The following DNASE1L2 variants were observed in gnomAD, a reference collection of about 807,000 sequenced individuals.
DNASE1L2 encodes deoxyribonuclease-1-like 2.
In DNASE1L2, 35 loss-of-function variants were observed where a neutral mutation model predicts 31.8. That is an observed-to-expected ratio of 1.10 (90% CI 0.84 to 1.46). DNASE1L2 has a LOEUF of 1.46. DNASE1L2 is among the 40% of genes most tolerant of loss of function. DNASE1L2 has a pLI of 0.00. For missense variants in DNASE1L2, 504 were observed against 418.8 expected (o/e 1.20, Z -1.77); for synonymous variants, 211 against 186.5 (o/e 1.13, Z -1.07).
In DNASE1L2 at chr16:2,237,761, C is replaced by A. The variant is rs1278074355; in HGVS notation, c.592-6C>A. On this transcript the variant is annotated splice_polypyrimidine_tract_variant and splice_region_variant and intron_variant, in intron 5 of 6. Transcript: ENST00000320700. ...CGGCTCAGACACGGCTCCGCGGCGC[C>A]CGCAGGACATGCTGTTCCTGGGCGA... 1 of 1,602,416 alleles carries A rather than the reference C, an allele frequency of 6.2e-7. No individual in the cohort carries two copies. The highest frequency in any genetic ancestry group is 8.5e-7 in the Non-Finnish European group (1 of 1,175,026).
rs764536040 is a variant in DNASE1L2, at chr16:2,237,318, A to G, written c.317+17A>G. ...CGTGTACAGGTGAGGGGCGGGCCGCAGGGAGGGGCGCGCGGGGCCGCAGGT... is the reference window on the plus strand; with the variant it reads ...CGTGTACAGGTGAGGGGCGGGCCGCGGGGAGGGGCGCGCGGGGCCGCAGGT... On this transcript the variant is annotated intron_variant, in intron 4 of 6. Coordinates refer to ENST00000320700, the MANE Select transcript of DNASE1L2 (RefSeq NM_001374.3). 6 of 1,590,458 alleles carry G rather than the reference A, an allele frequency of 3.8e-6. No individual in the cohort carries two copies. Among genetic ancestry groups the G allele is most frequent in the Non-Finnish European group, 5.1e-6 (6 of 1,169,660 alleles).
Position 2,237,113 on chromosome 16 carries a change from GAGC to G in DNASE1L2, c.223_225del (p.Gln75del). ...CCTCAGCGCCGTGTCCGCGCTCATGGAGCAGATCAACAGGTGTGGTGGGCAGGG... is the reference window on the plus strand; with the variant it reads ...CCTCAGCGCCGTGTCCGCGCTCATGGAGATCAACAGGTGTGGTGGGCAGGG... On this transcript the variant is annotated inframe_deletion, in exon 3 of 7. Transcript: ENST00000320700. The G allele has an allele frequency of 1.3e-6, 2 of 1,550,092 alleles. No individual in the cohort carries two copies. Among genetic ancestry groups the G allele is most frequent in the Non-Finnish European group, 1.7e-6 (2 of 1,147,426 alleles).
chr16:2,237,654 G>A lies in DNASE1L2; in HGVS notation c.591+5G>A, dbSNP rs1210911528. On this transcript the variant is annotated splice_donor_5th_base_variant and intron_variant, in intron 5 of 6. Coordinates refer to ENST00000320700, the MANE Select transcript of DNASE1L2 (RefSeq NM_001374.3). Reference sequence around the variant, plus strand: ...ATCGACAAGTGGGGCACCGACGTAAGCCCACCCCTCGGTCCCGGGGTCCCT... The same window carrying A: ...ATCGACAAGTGGGGCACCGACGTAAACCCACCCCTCGGTCCCGGGGTCCCT... The A allele has an allele frequency of 1.9e-6, 3 of 1,595,656 alleles. No individual in the cohort carries two copies. Among genetic ancestry groups the A allele is most frequent in the East Asian group, 2.2e-5 (1 of 44,498 alleles).
chr16:2,236,503 C>T lies in DNASE1L2; in HGVS notation c.-97C>T. 1 of 1,175,668 alleles carries T rather than the reference C, an allele frequency of 8.5e-7. No individual in the cohort carries two copies. Among genetic ancestry groups the T allele is most frequent in the Non-Finnish European group, 1.1e-6 (1 of 951,760 alleles). 72.8% of individuals were successfully genotyped at this position (1,175,668 alleles called of 1,614,324 possible). A position where few individuals can be genotyped will look rare whatever the true frequency, so the allele number is the denominator to read the frequency against. On this transcript the variant is annotated 5_prime_UTR_variant, in exon 1 of 7. Transcript: ENST00000320700. ...TGTCGGACACGCCCGCAGCCTGGAC[C>T]CGGGATCCCCATCCCCCTAGGATCT...
rs1567309577 is a variant in DNASE1L2, at chr16:2,237,650, G to GT, written c.591+2dup. 6.3e-7 allele frequency: 1 copy of GT among 1,597,148 alleles called. No individual in the cohort carries two copies. The highest frequency in any genetic ancestry group is 2.2e-5 in the East Asian group (1 of 44,530). On this transcript the variant is annotated splice_donor_variant, in intron 5 of 6. Coordinates refer to ENST00000320700, the MANE Select transcript of DNASE1L2 (RefSeq NM_001374.3). LOFTEE classifies it high-confidence loss of function. ...CGTGATCGACAAGTGGGGCACCGACGTAAGCCCACCCCTCGGTCCCGGGGT... is the reference window on the plus strand; with the variant it reads ...CGTGATCGACAAGTGGGGCACCGACGTTAAGCCCACCCCTCGGTCCCGGGGT...
chr16:2,237,577 G>T lies in DNASE1L2; in HGVS notation c.519G>T (p.Pro173=). The T allele has an allele frequency of 2.0e-6, 3 of 1,524,078 alleles. No individual in the cohort carries two copies. Among genetic ancestry groups the T allele is most frequent in the Non-Finnish European group, 2.7e-6 (3 of 1,125,838 alleles). The allele number at this position is 1,524,078 out of a possible 1,614,324, so 94.4% of individuals were successfully genotyped here. Reference sequence around the variant, plus strand: ...TGCTGATCCCGCTGCACGCGGCGCCGCATCAAGCCGTGGCGGAGATCGACG... The same window carrying T: ...TGCTGATCCCGCTGCACGCGGCGCCTCATCAAGCCGTGGCGGAGATCGACG... ...NLVLIPLHAA[P]HQAVAEIDAL... The change falls in exon 5 of 7, where the codon CCG becomes CCT. Residue 173 remains proline, a synonymous_variant. Transcript: ENST00000320700.
chr16:2,238,034 G>T lies in DNASE1L2; in HGVS notation c.843+16G>T. 1 of 1,581,772 alleles carries T rather than the reference G, an allele frequency of 6.3e-7. No individual in the cohort carries two copies. ...CCAGACTCAGGCGAGTGGGCCGTGG[G>T]GCGGTGCTGGTCTTGGGTCCCCACC... On this transcript the variant is annotated intron_variant, in intron 6 of 6. Coordinates refer to ENST00000320700, the MANE Select transcript of DNASE1L2 (RefSeq NM_001374.3).
chr16:2,237,038 A>AGGAGGC lies in DNASE1L2; in HGVS notation c.145_146insGGAGGC (p.Ile49delinsArgArgLeu), dbSNP rs751061332. 7.7e-6 allele frequency: 12 copies of AGGAGGC among 1,549,018 alleles called. No homozygotes were observed. The African/African-American group carries it at 1.6e-4, about 21-fold the overall frequency. On this transcript the variant is annotated protein_altering_variant and splice_region_variant, in exon 3 of 7. Transcript: ENST00000320700. ...CCCCGCACCCGCCGCTCCTCCCCAG[A>AGGAGGC]TCCTGGCTGGCTATGACCTCGCGCT... is the stretch of plus-strand genomic sequence containing the variant.
intron 1 of DNASE1L2, 106 bp from the exon 2 acceptor site, chr16:2,236,672 T>G (rs2093511756): frequency 6.4e-6 from 9 of 1,416,462 alleles, no homozygotes; most frequent in Non-Finnish European, 7.3e-6. Flanking sequence ...AGCAGTGCCC[T>G]GGGAGCCTGC....
At chr16:2,238,094 C>T (rs1417002010) in intron 6 of DNASE1L2, 76 bp downstream of exon 6, 7 of 1,506,410 alleles carry the variant, frequency 4.6e-6, no homozygotes, top group Non-Finnish European at 5.3e-6. Context: ...GAGGGTCCAG[C>T]GCCCAAGGCA....
At chr16:2,238,163 G>A (rs1468258868) in intron 6 of DNASE1L2, 145 bp downstream of exon 6, 31 of 1,423,304 alleles carry the variant, frequency 2.2e-5, no homozygotes, top group South Asian at 1.1e-4. Context: ...TGGAGAGCCC[G>A]GCCCACCCCA....
In DNASE1L2 at chr16:2,237,750, C is replaced by T. The variant is rs1567309695; in HGVS notation, c.592-17C>T. 6.3e-7 allele frequency: 1 copy of T among 1,599,458 alleles called. No homozygotes were observed. Among genetic ancestry groups the T allele is most frequent in the Non-Finnish European group, 8.5e-7 (1 of 1,173,202 alleles). On this transcript the variant is annotated splice_polypyrimidine_tract_variant and intron_variant, in intron 5 of 6. Transcript: ENST00000320700. ...GGCTCCTGCGGCGGCTCAGACACGG[C>T]TCCGCGGCGCCCGCAGGACATGCTG...
rs767071203 is a variant in DNASE1L2, at chr16:2,237,344, C to A, written c.318-32C>A. The A allele has an allele frequency of 5.8e-5, 93 of 1,596,150 alleles. No homozygotes were observed. The Middle Eastern group carries it at 8.3e-4, about 14-fold the overall frequency. ...GGGAGGGGCGCGCGGGGCCGCAGGTCGGGGGCTCAGCGGGTCCTCCCCATC... is the reference window on the plus strand; with the variant it reads ...GGGAGGGGCGCGCGGGGCCGCAGGTAGGGGGCTCAGCGGGTCCTCCCCATC... On this transcript the variant is annotated intron_variant, in intron 4 of 6. Transcript: ENST00000320700.
Position 2,237,804 on chromosome 16 carries a change from G to C in DNASE1L2, c.629G>C (p.Ser210Thr). 1 of 1,610,242 alleles carries C rather than the reference G, an allele frequency of 6.2e-7. No homozygotes were observed. The highest frequency in any genetic ancestry group is 8.5e-7 in the Non-Finnish European group (1 of 1,178,858). Residue 210 changes from serine (S) to threonine (T), a missense_variant, in exon 6 of 7, where the codon AGC (serine) becomes ACC (threonine). Transcript: ENST00000320700. ...CTGGGCGACTTCAACGCCGACTGCA[G>C]CTATGTGCGGGCGCAGGACTGGGCC... Reference protein sequence around the residue: ...LFLGDFNADCSYVRAQDWAAI... With the variant: ...LFLGDFNADCTYVRAQDWAAI...
At chr16:2,238,056 C>T in intron 6 of DNASE1L2, 38 bp downstream of exon 6, 1 of 1,557,132 alleles carries the variant, frequency 6.4e-7, no homozygotes, top group South Asian at 1.2e-5. Context: ...CTTGGGTCCC[C>T]ACCGCCCGGG....
Position 2,237,812 on chromosome 16 carries a change from C to T in DNASE1L2, c.637C>T (p.Arg213Trp). The change falls in exon 6 of 7, where the codon CGG (arginine) becomes TGG (tryptophan). Residue 213 changes from arginine to tryptophan, a missense_variant. By Grantham distance (101) the Arg-to-Trp change is moderately radical. Transcript: ENST00000320700. ...GDFNADCSYV[R>W]AQDWAAIRLR... ...CTTCAACGCCGACTGCAGCTATGTG[C>T]GGGCGCAGGACTGGGCCGCCATCCG... 1 of 1,610,206 alleles carries T rather than the reference C, an allele frequency of 6.2e-7. No homozygotes were observed.
chr16:2,237,093 G>A lies in DNASE1L2; in HGVS notation c.200G>A (p.Ser67Asn), dbSNP rs2093513509. 4 of 1,549,820 alleles carry A rather than the reference G, an allele frequency of 2.6e-6. No homozygotes were observed. Among genetic ancestry groups the A allele is most frequent in the Non-Finnish European group, 3.5e-6 (4 of 1,147,262 alleles). Reference sequence around the variant, plus strand: ...CAGGAGGTGCGAGACCCAGACCTCAGCGCCGTGTCCGCGCTCATGGAGCAG... The same window carrying A: ...CAGGAGGTGCGAGACCCAGACCTCAACGCCGTGTCCGCGCTCATGGAGCAG... ...LVQEVRDPDL[S>N]AVSALMEQIN... is the part of the protein sequence containing the mutation. Residue 67 changes from serine to asparagine, a missense_variant, in exon 3 of 7, where the codon AGC becomes AAC. Transcript: ENST00000320700.
At chr16:2,237,696 G>T (rs756144976) in intron 5 of DNASE1L2, 47 bp downstream of exon 5, 13 of 1,590,096 alleles carry the variant, frequency 8.2e-6, no homozygotes, top group Admixed American at 1.7e-5. Flanking sequence ...GCGCCCCGGG[G>T]GTCTGGTTCA....
rs1378389284 is a variant in DNASE1L2 at position 2,238,038 on chromosome 16, G to A, written c.843+20G>A. Reference sequence around the variant, plus strand: ...ACTCAGGCGAGTGGGCCGTGGGGCGGTGCTGGTCTTGGGTCCCCACCGCCC... The same window carrying A: ...ACTCAGGCGAGTGGGCCGTGGGGCGATGCTGGTCTTGGGTCCCCACCGCCC... On this transcript the variant is annotated intron_variant, in intron 6 of 6. Coordinates refer to ENST00000320700, the MANE Select transcript of DNASE1L2 (RefSeq NM_001374.3). 6.3e-7 allele frequency: 1 copy of A among 1,578,480 alleles called. No homozygotes were observed. The highest frequency in any genetic ancestry group is 1.8e-5 in the Admixed American group (1 of 56,148).
Sources: gnomAD v4.1 joint callset for allele counts on GRCh38, gnomAD v4.1.1 for gene constraint, MANE v1.5 for transcripts, NCBI Gene and HGNC (gene_info 2026-07-23, HGNC 2026-07-21) for gene names.